Variants in COL5A2 observed in about 807,000 individuals in gnomAD.
The protein encoded by COL5A2 is collagen type V alpha 2 chain.
In COL5A2, 23 loss-of-function variants were observed where a neutral mutation model predicts 208.2. The observed-to-expected ratio is 0.11, with a 90% CI of 0.08 to 0.16. The LOEUF (loss-of-function observed/expected upper bound fraction) is 0.16, where lower values mean the gene tolerates loss of function less well. Ranked by LOEUF, COL5A2 falls within the 10% of genes least tolerant of loss-of-function variation. COL5A2 has a pLI of 1.00. For synonymous variants in COL5A2, 625 were observed against 628.5 expected (o/e 0.99, Z 0.08); for missense variants, 1,590 against 1,956.4 (o/e 0.81, Z 3.53).
At chr2:189,038,033 T>A (rs1307282009) in intron 51 of COL5A2, among the ~76,000 whole-genome samples, 2 of 152,184 alleles carry the variant, frequency 1.3e-5, no homozygotes, top group African/African-American at 4.8e-5. Flanking sequence ...ACATTTTTTT[T>A]AAAGTTAACA....
At chr2:189,115,408 A>G (rs779428842) in intron 1 of COL5A2, among the ~76,000 whole-genome samples, 111 of 96,772 alleles carry the variant, frequency 1.1e-3, no homozygotes, top group South Asian at 3.0e-3. Flanking sequence ...CCTGTGGGGG[A>G]AAAAAAAAAA....
At chr2:189,372,531 A>G in the COL5A2 span, among the ~76,000 whole-genome samples, 4 of 152,194 alleles carry the variant, frequency 2.6e-5, no homozygotes, top group South Asian at 6.2e-4. Context: ...CATTAAAAAT[A>G]AAGAAGTTCA....
chr2:189,357,305 A>G, the COL5A2 span, among the ~76,000 whole-genome samples: 2 of 152,034 alleles, frequency 1.3e-5, no homozygotes, highest in Non-Finnish European at 2.9e-5. Context: ...TCAGGCAGGG[A>G]CGTTTAAGTC....
At chr2:189,288,149 G>GAAA in the COL5A2 span, among the ~76,000 whole-genome samples, 5,845 of 151,872 alleles carry the variant, frequency 0.038, 119 homozygotes, top group Admixed American at 0.052. Flanking sequence ...GTCAAAGCCA[G>GAAA]AAAAAAAAGA....
At chr2:189,051,219 C>T in intron 42 of COL5A2, 101 bp downstream of exon 42, 2 of 1,473,082 alleles carry the variant, frequency 1.4e-6, no homozygotes, top group Non-Finnish European at 1.9e-6. Flanking sequence ...AGGAATGTGC[C>T]CAGCATAATA....
chr2:189,283,476 T>C, the COL5A2 span, among the ~76,000 whole-genome samples: 402 of 152,196 alleles, frequency 2.6e-3, no homozygotes, highest in African/African-American at 9.3e-3. Flanking sequence ...TGAACAATTC[T>C]ACAGGACATC....
At position 189,062,822 on chromosome 2, in the gene COL5A2, G is replaced by GTA. The variant is rs370497623; in HGVS notation, c.1977+41_1977+42dup. On this transcript the variant is annotated intron_variant, in intron 29 of 53. Coordinates refer to ENST00000374866, the MANE Select transcript of COL5A2 (RefSeq NM_000393.5). Reference sequence around the variant, plus strand: ...ACATCATCGAAAAAATGCAATGTGTGTATATATATATTCTCACACACACAC... The same window carrying GTA: ...ACATCATCGAAAAAATGCAATGTGTGTATATATATATATTCTCACACACACAC... The GTA allele has an allele frequency of 1.8e-5, 29 of 1,606,260 alleles. 1 individual carries two copies. The highest frequency in any genetic ancestry group is 9.4e-5 in the African/African-American group (7 of 74,636).
At chr2:189,090,145 T>C (rs1172418803) in intron 7 of COL5A2, among the ~76,000 whole-genome samples, 1 of 152,200 alleles carries the variant, frequency 6.6e-6, no homozygotes, top group East Asian at 1.9e-4. Context: ...TTAGAAGCAC[T>C]ACTTCAGTAA....
intron 1 of COL5A2, among the ~76,000 whole-genome samples, chr2:189,175,842 T>C (rs2105825613): frequency 6.6e-6 from 1 of 152,268 alleles, no homozygotes; most frequent in East Asian, 1.9e-4. Context: ...CATGAGCCAC[T>C]GCGCCTGGCC....
intron 31 of COL5A2, among the ~76,000 whole-genome samples, chr2:189,059,344 G>C (rs1022367256): frequency 1.3e-5 from 2 of 151,902 alleles, no homozygotes; most frequent in Admixed American, 6.6e-5. Context: ...CTATAATATG[G>C]ACAAAGCACT....
chr2:189,231,663 G>GAT, the COL5A2 span, among the ~76,000 whole-genome samples: 1 of 151,630 alleles, frequency 6.6e-6, no homozygotes, highest in Non-Finnish European at 1.5e-5. Flanking sequence ...GACATATGTA[G>GAT]ATATATATAG....
chr2:189,083,761 C>T (rs555695738), intron 12 of COL5A2, among the ~76,000 whole-genome samples: 1 of 152,168 alleles, frequency 6.6e-6, no homozygotes, highest in East Asian at 1.9e-4. Flanking sequence ...ATATACTTCT[C>T]TAGCTCCAGA....
chr2:189,170,025 T>C (rs1688543247), intron 1 of COL5A2, among the ~76,000 whole-genome samples: 1 of 152,234 alleles, frequency 6.6e-6, no homozygotes, highest in African/African-American at 2.4e-5. Context: ...CCTGTTATTA[T>C]TAAATAGTAA....
At chr2:189,239,541 T>C in the COL5A2 span, among the ~76,000 whole-genome samples, 4 of 145,050 alleles carry the variant, frequency 2.8e-5, no homozygotes, top group Admixed American at 2.2e-4. Flanking sequence ...ACACCGCATA[T>C]TCTCACTCAT....
chr2:189,387,576 T>C, the COL5A2 span, among the ~76,000 whole-genome samples: 12 of 152,304 alleles, frequency 7.9e-5, no homozygotes, highest in South Asian at 2.5e-3. Context: ...TTTGCTAATA[T>C]TTTACTTAGA....
intron 12 of COL5A2, among the ~76,000 whole-genome samples, chr2:189,082,680 G>A (rs1686561133): frequency 6.6e-6 from 1 of 152,300 alleles, no homozygotes; most frequent in Admixed American, 6.5e-5. Flanking sequence ...TCATTCTGCT[G>A]ACCCAGGACT....
Position 189,063,007 on chromosome 2 carries a change from T to C in COL5A2, c.1923+3A>G. On this transcript the variant is annotated splice_donor_region_variant and intron_variant, in intron 28 of 53. Transcript: ENST00000374866. ...TTTTCTTTAGCAGAAAATGTATATT[T>C]ACCCTCTGCCCAGGAACTCCAGCAT... is the stretch of plus-strand genomic sequence containing the variant. 1 of 1,614,168 alleles carries C rather than the reference T, an allele frequency of 6.2e-7. No homozygotes were observed. The highest frequency in any genetic ancestry group is 8.5e-7 in the Non-Finnish European group (1 of 1,180,006).
chr2:189,140,049 G>T (rs192679969), intron 1 of COL5A2, among the ~76,000 whole-genome samples: 1 of 151,394 alleles, frequency 6.6e-6, no homozygotes, highest in East Asian at 2.0e-4. Flanking sequence ...CTCCAGTCTG[G>T]GCGACACAGA....
Position 189,034,943 on chromosome 2 carries a change from C to G in COL5A2, c.4326G>C (p.Arg1442=). ...AGCAAGTGTCTTGAAGAACGATATA[C>G]CGGAATCTAATATTTCCCTCTGCTT... The part of the protein sequence containing the change: ...DIKAEGNIRF[R]YIVLQDTCSK... Residue 1442 remains arginine (R), a synonymous_variant, in exon 53 of 54, where the codon CGG becomes CGC. Coordinates refer to ENST00000374866, the MANE Select transcript of COL5A2 (RefSeq NM_000393.5). 1.2e-6 allele frequency: 2 copies of G among 1,613,868 alleles called. No individual in the cohort carries two copies. The highest frequency in any genetic ancestry group is 8.5e-7 in the Non-Finnish European group (1 of 1,179,852).
Sources: gnomAD v4.1 joint callset for allele counts (sites outside exome capture counted in the v4.1 genomes callset) on GRCh38, gnomAD v4.1.1 for gene constraint, MANE v1.5 for transcripts, NCBI Gene and HGNC (gene_info 2026-07-23, HGNC 2026-07-21) for gene names.